The following EPHA6 variants were observed in gnomAD, a reference collection of about 807,000 sequenced individuals.
The protein encoded by EPHA6 is EPH receptor A6.
Under a neutral mutation model 112.0 loss-of-function variants are expected in EPHA6, and 50 were observed. That is an observed-to-expected ratio of 0.45 (90% CI 0.36 to 0.56). EPHA6 has a LOEUF of 0.56. Among genes scored for constraint, EPHA6 ranks in the 20% least tolerant of loss-of-function variants. The pLI, the probability that EPHA6 is intolerant of heterozygous loss-of-function variation, is 0.00. For synonymous variants in EPHA6, 529 were observed against 490.7 expected, an observed-to-expected ratio of 1.08 and a Z score of -1.03; for missense variants, 1,280 against 1,417.4, an observed-to-expected ratio of 0.90 and a Z score of 1.56.
At chr3:97,445,741 A>G (rs973775542) in intron 6 of EPHA6, among the ~76,000 whole-genome samples, 3 of 151,868 alleles carry the variant, frequency 2.0e-5, no homozygotes, top group African/African-American at 7.2e-5. Context: ...AAATGTGTTC[A>G]AACCTCTGGA....
rs1186274877 is a variant in EPHA6, at chr3:97,448,605, A to G, written c.1769A>G (p.Lys590Arg). 1 of 1,613,536 alleles carries G rather than the reference A, an allele frequency of 6.2e-7. No homozygotes were observed. Among genetic ancestry groups the G allele is most frequent in the Admixed American group, 1.7e-5 (1 of 59,962 alleles). ...CTGACCTACTCTTCCACAAGGTCCA[A>G]AGCCCCCAGTGTCATCATCACAGGT... ...EQLTYSSTRS[K>R]APSVIITGLK... is the part of the protein sequence containing the mutation. Residue 590 changes from lysine (K) to arginine (R), a missense_variant, in exon 7 of 18, where the codon AAA (lysine) becomes AGA (arginine). Transcript: ENST00000389672.
intron 2 of EPHA6, among the ~76,000 whole-genome samples, chr3:96,914,875 A>C (rs1181181749): frequency 6.6e-6 from 1 of 152,024 alleles, no homozygotes; most frequent in Non-Finnish European, 1.5e-5. Context: ...GTGAGGTAAT[A>C]AAATAAAAAT....
chr3:97,746,262 C>T (rs1267893242), intron 16 of EPHA6, among the ~76,000 whole-genome samples: 3 of 151,664 alleles, frequency 2.0e-5, no homozygotes, highest in Non-Finnish European at 4.4e-5. Flanking sequence ...CACTCAAACA[C>T]TAAATTTTTT....
intron 7 of EPHA6, among the ~76,000 whole-genome samples, chr3:97,464,844 T>C (rs1348093897): frequency 6.6e-6 from 1 of 152,174 alleles, no homozygotes; most frequent in Non-Finnish European, 1.5e-5. Flanking sequence ...TGTGTGAAGT[T>C]TTGATCAATT....
chr3:96,948,493 A>G (rs999338533), intron 2 of EPHA6, among the ~76,000 whole-genome samples: 14 of 152,212 alleles, frequency 9.2e-5, no homozygotes, highest in African/African-American at 3.4e-4. Context: ...GAGAAGGAAT[A>G]TTAGATATGT....
At chr3:97,546,849 GA>G (rs1181623732) in intron 11 of EPHA6, among the ~76,000 whole-genome samples, 4 of 152,038 alleles carry the variant, frequency 2.6e-5, no homozygotes, top group African/African-American at 9.7e-5. Flanking sequence ...TCTTCCAGTT[GA>G]TCACAGCGGC....
At chr3:97,567,260 C>T (rs530019681) in intron 11 of EPHA6, among the ~76,000 whole-genome samples, 1 of 152,114 alleles carries the variant, frequency 6.6e-6, no homozygotes, top group African/African-American at 2.4e-5. Context: ...TTCATCATTG[C>T]AATCCTATGA....
chr3:97,001,588 CT>C, intron 3 of EPHA6, among the ~76,000 whole-genome samples: 1 of 151,976 alleles, frequency 6.6e-6, no homozygotes. Flanking sequence ...ATGAAAACTT[CT>C]GGTAAGTTAT....
Position 97,502,832 on chromosome 3 carries a change from C to CAAAAAAAA in EPHA6, c.2200+18794_2200+18801dup, listed in dbSNP as rs397990595. On this transcript the variant is annotated intron_variant, in intron 10 of 17. Transcript: ENST00000389672. Reference sequence around the variant, plus strand: ...CTGGTAAAAGAGCAAGACTCTGTCTCAAAAAAAAAAAAAAAAAAAAAAAAA... The same window carrying CAAAAAAAA: ...CTGGTAAAAGAGCAAGACTCTGTCTCAAAAAAAAAAAAAAAAAAAAAAAAAAAAAAAAA... 8.4e-5 allele frequency among the ~76,000 whole-genome samples: 3 copies of CAAAAAAAA among 35,898 alleles called. 1 individual carries two copies. Among genetic ancestry groups the CAAAAAAAA allele is most frequent in the Non-Finnish European group, 1.5e-4 (3 of 20,526 alleles). The allele number at this position is 35,898 out of a possible 152,430, so 23.6% of individuals were successfully genotyped here.
intron 2 of EPHA6, among the ~76,000 whole-genome samples, chr3:96,955,812 T>G (rs1367283516): frequency 2.0e-5 from 3 of 152,208 alleles, no homozygotes; most frequent in Admixed American, 6.5e-5. Flanking sequence ...TAATAACTTT[T>G]CAGATGAATG....
chr3:96,973,178 T>C (rs1302295185), intron 2 of EPHA6, among the ~76,000 whole-genome samples: 1 of 152,178 alleles, frequency 6.6e-6, no homozygotes, highest in Non-Finnish European at 1.5e-5. Flanking sequence ...GAAGGGTTTT[T>C]AGAGAATCCT....
intron 3 of EPHA6, among the ~76,000 whole-genome samples, chr3:97,044,825 A>T (rs1401801287): frequency 1.3e-5 from 2 of 152,112 alleles, no homozygotes; most frequent in African/African-American, 2.4e-5. Context: ...AAATGGAATG[A>T]AAAAAGTGGA....
chr3:97,290,724 A>G (rs1451393033), intron 5 of EPHA6, among the ~76,000 whole-genome samples: 1 of 151,630 alleles, frequency 6.6e-6, no homozygotes, highest in African/African-American at 2.4e-5. Flanking sequence ...CTCAGTTGTT[A>G]TGACTCCTTT....
intron 12 of EPHA6, among the ~76,000 whole-genome samples, chr3:97,595,735 G>A (rs552595809): frequency 6.6e-6 from 1 of 151,796 alleles, no homozygotes; most frequent in African/African-American, 2.4e-5. Flanking sequence ...GAGAATAAAC[G>A]AAATAAGAGA....
At position 97,059,263 on chromosome 3, in the gene EPHA6, A is replaced by G. The variant is rs150704359; in HGVS notation, c.1114+71270A>G. Reference sequence around the variant, plus strand: ...TCTTCTCAAATGATTTTTCTTTGTAATAATAGCCTATGCAAAATAAAACCA... The same window carrying G: ...TCTTCTCAAATGATTTTTCTTTGTAGTAATAGCCTATGCAAAATAAAACCA... On this transcript the variant is annotated intron_variant, in intron 3 of 17. Transcript: ENST00000389672. Among the ~76,000 whole-genome samples, 201 of 152,282 alleles carry G rather than the reference A, an allele frequency of 1.3e-3. 1 individual carries two copies. Among genetic ancestry groups the G allele is most frequent in the African/African-American group, 4.5e-3 (186 of 41,548 alleles).
At chr3:97,734,594 C>T (rs7634548) in intron 15 of EPHA6, among the ~76,000 whole-genome samples, 26,930 of 151,936 alleles carry the variant, frequency 0.18, 2,568 homozygotes, top group Admixed American at 0.21. Context: ...TAAAGAGGTT[C>T]GTGAAGACAT....
At chr3:97,635,754 A>G (rs1273035582) in intron 13 of EPHA6, among the ~76,000 whole-genome samples, 2 of 152,140 alleles carry the variant, frequency 1.3e-5, no homozygotes, top group East Asian at 1.9e-4. Context: ...CTCCGTGAAT[A>G]AGGTAAAAAC....
chr3:97,301,498 T>C (rs904497458), intron 5 of EPHA6, among the ~76,000 whole-genome samples: 1 of 152,168 alleles, frequency 6.6e-6, no homozygotes, highest in Non-Finnish European at 1.5e-5. Flanking sequence ...ATTATTTTTC[T>C]CAAGTTAGTG....
At chr3:97,128,731 G>A (rs1439583989) in intron 3 of EPHA6, among the ~76,000 whole-genome samples, 3 of 152,062 alleles carry the variant, frequency 2.0e-5, no homozygotes, top group Admixed American at 1.3e-4. Flanking sequence ...TGTTAGCCAG[G>A]CTAGTCTCAA....
Sources: allele counts gnomAD v4.1 joint callset (sites outside exome capture counted in the v4.1 genomes callset), GRCh38; gene constraint gnomAD v4.1.1; transcripts MANE v1.5; gene names NCBI Gene and HGNC (gene_info 2026-07-23, HGNC 2026-07-21).